SEL1L3: variants seen among roughly 807,000 people sequenced by gnomAD.
SEL1L3 encodes SEL1L family member 3.
Under a neutral mutation model 142.8 loss-of-function variants are expected in SEL1L3, and 76 were observed. That is an observed-to-expected ratio of 0.53 (90% confidence interval 0.44 to 0.64). SEL1L3 has a LOEUF of 0.64. Among genes scored for constraint, SEL1L3 ranks in the 30% least tolerant of loss-of-function variants. The probability of loss-of-function intolerance (pLI) is 0.00; values close to 1 mark genes in which losing one functional copy is unlikely to be tolerated. For synonymous variants in SEL1L3, 504 were observed against 519.6 expected, an observed-to-expected ratio of 0.97 and a Z score of 0.41; for missense variants, 1,262 against 1,381.7, an observed-to-expected ratio of 0.91 and a Z score of 1.37.
intron 2 of SEL1L3, among the ~76,000 whole-genome samples, chr4:25,838,239 G>A (rs1311572347): frequency 6.6e-6 from 1 of 152,122 alleles, no homozygotes; most frequent in Non-Finnish European, 1.5e-5. Context: ...TATTTTGCAT[G>A]AAGAGCTTAG....
chr4:25,844,855 T>G (rs1456009917), intron 2 of SEL1L3, among the ~76,000 whole-genome samples: 1 of 152,228 alleles, frequency 6.6e-6, no homozygotes, highest in Non-Finnish European at 1.5e-5. Context: ...ATCATCAAAA[T>G]GATTGACTTG....
At chr4:25,784,124 T>C (rs1192503214) in intron 14 of SEL1L3, 104 bp downstream of exon 14, 2 of 976,990 alleles carry the variant, frequency 2.0e-6, no homozygotes, top group Non-Finnish European at 3.3e-6. Flanking sequence ...GTTTCCACCT[T>C]AGGGCTTTGT....
At chr4:25,811,748 G>GT (rs60024973) in intron 9 of SEL1L3, among the ~76,000 whole-genome samples, 5,766 of 121,470 alleles carry the variant, frequency 0.047, 106 homozygotes, top group Middle Eastern at 0.1. Context: ...TTCTTTTCCT[G>GT]TTTTTTTTTT....
intron 9 of SEL1L3, among the ~76,000 whole-genome samples, chr4:25,808,739 T>A (rs144376819): frequency 6.6e-6 from 1 of 150,424 alleles, no homozygotes; most frequent in Non-Finnish European, 1.5e-5. Context: ...GAGATCCTCA[T>A]TGGGCTCACA....
chr4:25,790,003 C>T (rs1243070920), intron 12 of SEL1L3, among the ~76,000 whole-genome samples: 2 of 152,162 alleles, frequency 1.3e-5, no homozygotes, highest in African/African-American at 4.8e-5. Flanking sequence ...GTCTTCTGGA[C>T]GCTGTCTAAT....
chr4:25,751,931 A>G (rs1481726321), intron 23 of SEL1L3, among the ~76,000 whole-genome samples: 2 of 151,932 alleles, frequency 1.3e-5, no homozygotes, highest in East Asian at 3.9e-4. Flanking sequence ...CAACATGGTG[A>G]AACCCTGTCT....
the SEL1L3 span, among the ~76,000 whole-genome samples, chr4:25,724,736 CAAAAA>C: frequency 1.7e-4 from 1 of 6,000 alleles, no homozygotes; most frequent in African/African-American, 1.0e-3. Flanking sequence ...GACTCCAACT[CAAAAA>C]AAAAAAAAAA....
chr4:25,716,312 A>T, the SEL1L3 span, among the ~76,000 whole-genome samples: 207 of 152,292 alleles, frequency 1.4e-3, no homozygotes, highest in African/African-American at 4.8e-3. Flanking sequence ...ATGAGCTATC[A>T]TTTTACTACA....
At chr4:25,841,510 C>G (rs1037235703) in intron 2 of SEL1L3, among the ~76,000 whole-genome samples, 30 of 152,286 alleles carry the variant, frequency 2.0e-4, no homozygotes, top group Non-Finnish European at 4.0e-4. Context: ...GGTAGTTTAG[C>G]CTAATGAATA....
intron 9 of SEL1L3, among the ~76,000 whole-genome samples, chr4:25,813,806 G>A (rs965739393): frequency 6.6e-5 from 10 of 152,110 alleles, no homozygotes; most frequent in South Asian, 2.1e-4. Flanking sequence ...AGAATAATAC[G>A]GTTATTCTGG....
At chr4:25,784,885 G>C (rs1048258020) in intron 13 of SEL1L3, among the ~76,000 whole-genome samples, 1 of 152,258 alleles carries the variant, frequency 6.6e-6, no homozygotes, top group Non-Finnish European at 1.5e-5. Flanking sequence ...CCACTACAGA[G>C]AGACATGGGC....
At chr4:25,743,870 G>A (rs1481412551), downstream of SEL1L3, among the ~76,000 whole-genome samples, 2 of 151,958 alleles carry the variant, frequency 1.3e-5, no homozygotes, top group Non-Finnish European at 2.9e-5. Context: ...ACCCCACGTT[G>A]CCTTTACTGT....
intron 1 of SEL1L3, among the ~76,000 whole-genome samples, chr4:25,851,005 C>T (rs1194506067): frequency 2.0e-5 from 3 of 152,078 alleles, no homozygotes; most frequent in Admixed American, 6.6e-5. Context: ...CACCTGCCAC[C>T]ACACCCGGCT....
chr4:25,735,096 T>G, the SEL1L3 span, among the ~76,000 whole-genome samples: 15 of 152,184 alleles, frequency 9.9e-5, no homozygotes, highest in Non-Finnish European at 2.2e-4. Context: ...GTTTGATAGA[T>G]TCACTGCTGA....
chr4:25,747,673 G>C lies in SEL1L3; in HGVS notation c.*752C>G, dbSNP rs574309883. 2.6e-5 allele frequency: 4 copies of C among 152,388 alleles called. No homozygotes were observed. Among genetic ancestry groups the C allele is most frequent in the African/African-American group, 9.6e-5 (4 of 41,512 alleles). 9.4% of individuals were successfully genotyped at this position (152,388 alleles called of 1,614,324 possible). A position where few individuals can be genotyped will look rare whatever the true frequency, so the allele number is the denominator to read the frequency against. Reference sequence around the variant, plus strand: ...ACTATAAGCTAGAGGCTTACTTGCTGCATATTCCGTTGCTGCCAGTCTATT... The same window carrying C: ...ACTATAAGCTAGAGGCTTACTTGCTCCATATTCCGTTGCTGCCAGTCTATT... On this transcript the variant is annotated 3_prime_UTR_variant, in exon 24 of 24. Transcript: ENST00000399878.
At chr4:25,715,072 A>G in the SEL1L3 span, among the ~76,000 whole-genome samples, 1 of 152,216 alleles carries the variant, frequency 6.6e-6, no homozygotes, top group Non-Finnish European at 1.5e-5. Context: ...ACATTTTCAA[A>G]TCAATAAAGT....
intron 2 of SEL1L3, among the ~76,000 whole-genome samples, chr4:25,837,506 C>T (rs570564451): frequency 5.3e-5 from 8 of 151,248 alleles, no homozygotes; most frequent in South Asian, 4.2e-4. Flanking sequence ...GAGAACTTGC[C>T]GCAATAGATT....
intron 6 of SEL1L3, among the ~76,000 whole-genome samples, chr4:25,825,833 C>A (rs1192009531): frequency 6.6e-6 from 1 of 151,962 alleles, no homozygotes; most frequent in African/African-American, 2.4e-5. Context: ...CGCCACCACG[C>A]CCAGCTAATT....
intron 2 of SEL1L3, among the ~76,000 whole-genome samples, chr4:25,843,112 A>G (rs1046966366): frequency 2.0e-5 from 3 of 152,184 alleles, no homozygotes; most frequent in African/African-American, 7.2e-5. Flanking sequence ...GGCTGGAAGC[A>G]GTGGGGAAGG....
Sources: gnomAD v4.1 joint callset for allele counts (sites outside exome capture counted in the v4.1 genomes callset) on GRCh38, gnomAD v4.1.1 for gene constraint, MANE v1.5 for transcripts, NCBI Gene and HGNC (gene_info 2026-07-23, HGNC 2026-07-21) for gene names.